The following KDM7A variants were observed in gnomAD, a reference collection of about 807,000 sequenced individuals.
The protein encoded by KDM7A is lysine-specific demethylase 7A.
KDM7A carries 28 observed loss-of-function variants against 114.8 expected under a neutral mutation model. The observed-to-expected ratio is 0.24, with a 90% CI of 0.18 to 0.33. The LOEUF (loss-of-function observed/expected upper bound fraction) is 0.33. Among genes scored for constraint, KDM7A ranks in the 10% least tolerant of loss-of-function variants. KDM7A has a pLI of 1.00. For missense variants in KDM7A, 942 were observed against 1,142.5 expected, an observed-to-expected ratio of 0.82 and a Z score of 2.53; for synonymous variants, 423 against 397.8, an observed-to-expected ratio of 1.06 and a Z score of -0.75.
In KDM7A at chr7:140,127,439, C is replaced by T. The variant is rs183710135; in HGVS notation, c.701+3G>A. On this transcript the variant is annotated splice_donor_region_variant and intron_variant, in intron 5 of 19. Coordinates refer to ENST00000397560, the MANE Select transcript of KDM7A (RefSeq NM_030647.2). ...CTAAACCAAAATACCCAGAACTACTCACTTTGTATCTGAAAATTCAAGGCT... is the reference window on the plus strand; with the variant it reads ...CTAAACCAAAATACCCAGAACTACTTACTTTGTATCTGAAAATTCAAGGCT... The T allele has an allele frequency of 3.1e-6, 5 of 1,611,786 alleles. No homozygotes were observed. The highest frequency in any genetic ancestry group is 3.4e-6 in the Non-Finnish European group (4 of 1,178,882).
rs1585133745 is a variant in KDM7A, at chr7:140,089,397, A to G, written c.*1697T>C. 2 of 152,204 alleles carry G rather than the reference A, an allele frequency of 1.3e-5. No homozygotes were observed. Among genetic ancestry groups the G allele is most frequent in the Non-Finnish European group, 2.9e-5 (2 of 68,040 alleles). The allele number at this position is 152,204 out of a possible 1,614,324, so 9.4% of individuals were successfully genotyped here. A position where few individuals can be genotyped will look rare whatever the true frequency, so the allele number is the denominator to read the frequency against. ...CTTTGAAAATATACATTTGAATGCA[A>G]CCATGAAAGATGATGGTACAGACTT... is the stretch of plus-strand genomic sequence containing the variant. On this transcript the variant is annotated 3_prime_UTR_variant, in exon 20 of 20. Transcript: ENST00000397560.
At chr7:140,164,766 T>C (rs1287411091) in intron 1 of KDM7A, among the ~76,000 whole-genome samples, 1 of 152,208 alleles carries the variant, frequency 6.6e-6, no homozygotes, top group African/African-American at 2.4e-5. Context: ...TATAATGATA[T>C]GGTATCAGGA....
At chr7:140,157,413 G>T (rs954462010) in intron 1 of KDM7A, among the ~76,000 whole-genome samples, 6 of 152,238 alleles carry the variant, frequency 3.9e-5, no homozygotes, top group African/African-American at 1.4e-4. Flanking sequence ...CTGGCCTTGG[G>T]AGGCCGAGGT....
At chr7:140,155,050 C>A (rs1360152946) in intron 1 of KDM7A, among the ~76,000 whole-genome samples, 1 of 152,108 alleles carries the variant, frequency 6.6e-6, no homozygotes, top group Non-Finnish European at 1.5e-5. Flanking sequence ...TAACAAAGCA[C>A]GTTAATGAAT....
At chr7:140,107,233 G>A (rs111510007) in intron 11 of KDM7A, among the ~76,000 whole-genome samples, 29 of 152,030 alleles carry the variant, frequency 1.9e-4, no homozygotes, top group South Asian at 4.2e-4. Context: ...CCTATTTGCC[G>A]GTATGTGTCT....
At chr7:140,142,577 C>A (rs1354348696) in intron 1 of KDM7A, among the ~76,000 whole-genome samples, 5 of 152,086 alleles carry the variant, frequency 3.3e-5, no homozygotes, top group Non-Finnish European at 7.4e-5. Context: ...CACAACATAC[C>A]CAACAGACCA....
rs1794708865 is a variant in KDM7A at position 140,176,415 on chromosome 7, C to T, written c.194+329G>A. Reference sequence around the variant, plus strand: ...GGGGCTGCGGACCCGGCCGGCGCTCCGCCCGACGCCCCCGCCGCGCCCGCC... The same window carrying T: ...GGGGCTGCGGACCCGGCCGGCGCTCTGCCCGACGCCCCCGCCGCGCCCGCC... On this transcript the variant is annotated intron_variant, in intron 1 of 19. Transcript: ENST00000397560. The surrounding 1 kb of genome is among the most constrained non-coding windows in gnomAD (Gnocchi z 4.4). 7.0e-6 allele frequency among the ~76,000 whole-genome samples: 1 copy of T among 143,880 alleles called. No individual in the cohort carries two copies. The highest frequency in any genetic ancestry group is 2.1e-4 in the South Asian group (1 of 4,702). The allele number at this position is 143,880 out of a possible 152,430, so 94.4% of individuals were successfully genotyped here. A position where few individuals can be genotyped will look rare whatever the true frequency, so the allele number is the denominator to read the frequency against.
chr7:140,128,184 GT>G (rs1231642977), intron 4 of KDM7A, among the ~76,000 whole-genome samples: 1 of 152,200 alleles, frequency 6.6e-6, no homozygotes, highest in African/African-American at 2.4e-5. Flanking sequence ...GAAGGCCTGA[GT>G]TCCAAATTGT....
intron 2 of KDM7A, among the ~76,000 whole-genome samples, chr7:140,136,285 A>G (rs1347913008): frequency 3.9e-5 from 6 of 152,238 alleles, no homozygotes; most frequent in Non-Finnish European, 7.3e-5. Context: ...CTTACCTACT[A>G]TAGTGCCTAC....
intron 9 of KDM7A, among the ~76,000 whole-genome samples, chr7:140,115,804 T>A (rs547176993): frequency 2.9e-4 from 33 of 113,474 alleles, no homozygotes; most frequent in African/African-American, 5.9e-4. Context: ...AAAATAAATT[T>A]AAAAAAAATA....
intron 1 of KDM7A, among the ~76,000 whole-genome samples, chr7:140,157,648 T>A (rs1276546832): frequency 1.3e-5 from 2 of 151,096 alleles, no homozygotes; most frequent in African/African-American, 4.9e-5. Flanking sequence ...ATTAAGACTC[T>A]AATTAATCAA....
rs1045684861 is a variant in KDM7A at position 140,092,767 on chromosome 7, CTTCAT to C, written c.2458-695_2458-691del. ...TATGCTAATCATCCATCCTCTATGT[CTTCAT>C]TTATTTTCAAAAACAATTATAAAAA... On this transcript the variant is annotated intron_variant, in intron 18 of 19. Coordinates refer to ENST00000397560, the MANE Select transcript of KDM7A (RefSeq NM_030647.2). Among the ~76,000 whole-genome samples, 60 of 152,220 alleles carry C rather than the reference CTTCAT, an allele frequency of 3.9e-4. No individual in the cohort carries two copies. In the Middle Eastern group the frequency reaches 0.014, roughly 35 times the overall value.
chr7:140,175,140 C>T (rs994851295), intron 1 of KDM7A, among the ~76,000 whole-genome samples: 8 of 152,150 alleles, frequency 5.3e-5, no homozygotes, highest in African/African-American at 1.9e-4. Flanking sequence ...GAGGACGCTG[C>T]CTTTCTTTTA....
intron 2 of KDM7A, among the ~76,000 whole-genome samples, chr7:140,135,273 G>A (rs535642735): frequency 4.0e-5 from 6 of 148,820 alleles, no homozygotes; most frequent in African/African-American, 7.4e-5. Context: ...GCATGATCTC[G>A]GCTCATTGCA....
intron 1 of KDM7A, among the ~76,000 whole-genome samples, chr7:140,164,380 G>A (rs1794552347): frequency 6.6e-6 from 1 of 152,160 alleles, no homozygotes; most frequent in Admixed American, 6.5e-5. Context: ...AACCAGTGCA[G>A]AATGTTTAGT....
Position 140,133,549 on chromosome 7 carries a change from C to T in KDM7A, c.388G>A (p.Val130Ile). The T allele has an allele frequency of 1.3e-6, 2 of 1,579,522 alleles. No homozygotes were observed. The highest frequency in any genetic ancestry group is 8.7e-7 in the Non-Finnish European group (1 of 1,149,708). Residue 130 changes from valine (V) to isoleucine (I), a missense_variant, in exon 3 of 20, where the codon GTC (valine) becomes ATC (isoleucine). By Grantham distance (29) the Val-to-Ile change is conservative (BLOSUM62 3). Transcript: ENST00000397560. ...AGTAAGTTTCCATACCTTGGGAAGACTCGAGAGCGTAATTCCTTAATGAAA... is the reference window on the plus strand; with the variant it reads ...AGTAAGTTTCCATACCTTGGGAAGATTCGAGAGCGTAATTCCTTAATGAAA... The part of the protein sequence containing the change: ...RTFIKELRSR[V>I]FPSADEIIIK...
In KDM7A at chr7:140,098,867, A is replaced by T; in HGVS notation, c.1918+12T>A. On this transcript the variant is annotated intron_variant, in intron 14 of 19. Transcript: ENST00000397560. ...TCAAAAGATCTTTAAAATAACCATT[A>T]AAAAAACATACCATTCAGTGGTTTT... The T allele has an allele frequency of 6.3e-7, 1 of 1,593,528 alleles. No homozygotes were observed. The highest frequency in any genetic ancestry group is 2.2e-5 in the East Asian group (1 of 44,744).
chr7:140,141,999 AATG>A (rs1471862490), intron 1 of KDM7A, among the ~76,000 whole-genome samples: 4 of 140,910 alleles, frequency 2.8e-5, no homozygotes, highest in African/African-American at 1.0e-4. Flanking sequence ...TATATCCATA[AATG>A]ATATTTATAT....
chr7:140,162,718 G>T (rs889279026), intron 1 of KDM7A, among the ~76,000 whole-genome samples: 1 of 152,076 alleles, frequency 6.6e-6, no homozygotes, highest in Non-Finnish European at 1.5e-5. Flanking sequence ...GATAATGCTA[G>T]AAACTTACCA....
Sources: gnomAD v4.1 joint callset for allele counts (sites outside exome capture counted in the v4.1 genomes callset) on GRCh38, gnomAD v4.1.1 for gene constraint, Gnocchi (gnomAD v3.1) non-coding constraint, MANE v1.5 for transcripts, NCBI Gene and HGNC (gene_info 2026-07-23, HGNC 2026-07-21) for gene names.